The following ZNF652 variants were observed in gnomAD, a reference collection of about 807,000 sequenced individuals.
ZNF652 encodes zinc finger protein 652.
Under a neutral mutation model 45.2 loss-of-function variants are expected in ZNF652, and 16 were observed. That is an observed-to-expected ratio of 0.35 (90% CI 0.24 to 0.54). The LOEUF (loss-of-function observed/expected upper bound fraction) is 0.54, where lower values mean the gene tolerates loss of function less well. Ranked by LOEUF, ZNF652 falls within the 20% of genes least tolerant of loss-of-function variation. The probability of loss-of-function intolerance (pLI) is 0.91; values close to 1 mark genes in which losing one functional copy is unlikely to be tolerated. For synonymous variants in ZNF652, 250 were observed against 260.6 expected (o/e 0.96, Z 0.39); for missense variants, 614 against 765.6 (o/e 0.80, Z 2.34).
chr17:49,344,258 G>C (rs1397247955), intron 1 of ZNF652, among the ~76,000 whole-genome samples: 1 of 151,556 alleles, frequency 6.6e-6, no homozygotes, highest in Admixed American at 6.6e-5. Context: ...CTAGCTACTT[G>C]AGAAACTGAG....
At chr17:49,360,683 C>A (rs1296352710) in intron 1 of ZNF652, among the ~76,000 whole-genome samples, 2 of 152,126 alleles carry the variant, frequency 1.3e-5, no homozygotes, top group East Asian at 3.8e-4. Context: ...CCTAAGCACA[C>A]ACATGTTGTC....
chr17:49,316,703 G>T, intron 2 of ZNF652, 123 bp downstream of exon 2: 1 of 1,051,676 alleles, frequency 9.5e-7, no homozygotes, highest in Non-Finnish European at 1.4e-6. Context: ...CTTTTCAAAT[G>T]ATAAATTGGT....
At chr17:49,326,906 C>G (rs1044629091) in intron 1 of ZNF652, among the ~76,000 whole-genome samples, 2 of 152,110 alleles carry the variant, frequency 1.3e-5, no homozygotes, top group Admixed American at 1.3e-4. Flanking sequence ...GGTGATGCCA[C>G]CAAGCATCAC....
At chr17:49,351,924 C>T (rs938973169) in intron 1 of ZNF652, among the ~76,000 whole-genome samples, 4 of 152,086 alleles carry the variant, frequency 2.6e-5, no homozygotes, top group Non-Finnish European at 5.9e-5. Flanking sequence ...GAGTTCAAGG[C>T]TGCAGTGAGT....
At chr17:49,329,265 A>G (rs2069998091) in intron 1 of ZNF652, among the ~76,000 whole-genome samples, 1 of 152,246 alleles carries the variant, frequency 6.6e-6, no homozygotes, top group African/African-American at 2.4e-5. Context: ...AAGCTTTCAA[A>G]TGGGTAAAAC....
chr17:49,348,524 GAAAA>G (rs2070235273), intron 1 of ZNF652, among the ~76,000 whole-genome samples: 2 of 145,902 alleles, frequency 1.4e-5, no homozygotes, highest in Non-Finnish European at 1.5e-5. Context: ...GAAAAGAAAA[GAAAA>G]GAAAAGAAAA....
chr17:49,336,149 TG>T (rs1426780109), intron 1 of ZNF652, among the ~76,000 whole-genome samples: 4 of 150,612 alleles, frequency 2.7e-5, no homozygotes, highest in Admixed American at 2.6e-4. Context: ...CTCAGCCTCC[TG>T]AGTAGCTGGG....
intron 1 of ZNF652, among the ~76,000 whole-genome samples, chr17:49,325,121 C>T (rs567638738): frequency 2.0e-5 from 3 of 152,232 alleles, no homozygotes; most frequent in Admixed American, 1.3e-4. Flanking sequence ...AAGAGGCCTA[C>T]GTTTTGGCCT....
intron 2 of ZNF652, among the ~76,000 whole-genome samples, chr17:49,315,554 TAAGTTA>T (rs1439181068): frequency 8.2e-6 from 1 of 121,742 alleles, no homozygotes; most frequent in Non-Finnish European, 1.7e-5. Flanking sequence ...TAAACAGACT[TAAGTTA>T]AAAAAAAAAA....
intron 5 of ZNF652, among the ~76,000 whole-genome samples, chr17:49,306,251 TAATGG>T: frequency 6.6e-6 from 1 of 152,116 alleles, no homozygotes; most frequent in Non-Finnish European, 1.5e-5. Context: ...TCAAACACTG[TAATGG>T]AAAGATGAAC....
chr17:49,323,406 G>C (rs1228765199), intron 1 of ZNF652, among the ~76,000 whole-genome samples: 1 of 152,158 alleles, frequency 6.6e-6, no homozygotes, highest in East Asian at 1.9e-4. Context: ...TTCCTCCACT[G>C]AAGTGTTGAA....
At chr17:49,335,503 T>C (rs2070070862) in intron 1 of ZNF652, among the ~76,000 whole-genome samples, 1 of 152,098 alleles carries the variant, frequency 6.6e-6, no homozygotes, top group Non-Finnish European at 1.5e-5. Flanking sequence ...ACTCCCAACT[T>C]TTCAATATTA....
intron 1 of ZNF652, among the ~76,000 whole-genome samples, chr17:49,352,321 C>T (rs1333996982): frequency 6.6e-6 from 1 of 151,502 alleles, no homozygotes; most frequent in Non-Finnish European, 1.5e-5. Flanking sequence ...AATTTGGGAG[C>T]TGAAAGAACT....
In ZNF652 at chr17:49,298,532, G is replaced by A. The variant is rs745425858; in HGVS notation, c.1702C>T (p.Pro568Ser). ...HPHHLPIPPV[P>S]HLPPPPALFK... ...AGAGCTGGAGGTGGCGGGAGGTGAGGGACTGGAGGGATGGGAAGGTGGTGT... is the reference window on the plus strand; with the variant it reads ...AGAGCTGGAGGTGGCGGGAGGTGAGAGACTGGAGGGATGGGAAGGTGGTGT... Residue 568 changes from proline (P) to serine (S), a missense_variant, in exon 6 of 6, where the codon CCT (proline) becomes TCT (serine). Transcript: ENST00000430262. 3.1e-6 allele frequency: 5 copies of A among 1,612,376 alleles called. No individual in the cohort carries two copies. The highest frequency in any genetic ancestry group is 2.2e-5 in the South Asian group (2 of 90,952).
At chr17:49,355,727 G>T (rs533867620) in intron 1 of ZNF652, among the ~76,000 whole-genome samples, 2 of 151,744 alleles carry the variant, frequency 1.3e-5, no homozygotes, top group Admixed American at 1.3e-4. Flanking sequence ...GTGAAACCCC[G>T]TCTCTACTAA....
At chr17:49,334,793 A>G (rs1440622735) in intron 1 of ZNF652, among the ~76,000 whole-genome samples, 2 of 151,646 alleles carry the variant, frequency 1.3e-5, no homozygotes, top group African/African-American at 2.4e-5. Flanking sequence ...AAAAAAAAAA[A>G]GGGAATGTAG....
chr17:49,317,659 C>A lies in ZNF652; in HGVS notation c.67G>T (p.Ala23Ser). 1 of 1,613,122 alleles carries A rather than the reference C, an allele frequency of 6.2e-7. No individual in the cohort carries two copies. The highest frequency in any genetic ancestry group is 8.5e-7 in the Non-Finnish European group (1 of 1,179,180). The change falls in exon 2 of 6, where the codon GCA becomes TCA. Residue 23 changes from alanine (A) to serine (S), a missense_variant. Coordinates refer to ENST00000430262, the MANE Select transcript of ZNF652 (RefSeq NM_001145365.3). ...ENCAVHVAGM[A>S]QEDSRRGQVP... is the part of the protein sequence containing the mutation. Reference sequence around the variant, plus strand: ...TGACCACGACGGCTATCTTCTTGTGCCATTCCTGCTACATGCACAGCACAG... The same window carrying A: ...TGACCACGACGGCTATCTTCTTGTGACATTCCTGCTACATGCACAGCACAG...
At chr17:49,327,025 T>G (rs1486618047) in intron 1 of ZNF652, among the ~76,000 whole-genome samples, 1 of 152,160 alleles carries the variant, frequency 6.6e-6, no homozygotes, top group East Asian at 1.9e-4. Context: ...GTCTGAAAAG[T>G]TGGGGCCAAG....
chr17:49,357,221 C>T (rs2070346883), intron 1 of ZNF652, among the ~76,000 whole-genome samples: 1 of 151,882 alleles, frequency 6.6e-6, no homozygotes, highest in African/African-American at 2.4e-5. Flanking sequence ...ATTGCTTGAA[C>T]CCAGGAGAAG....
Sources: gnomAD v4.1 joint callset for allele counts (sites outside exome capture counted in the v4.1 genomes callset) on GRCh38, gnomAD v4.1.1 for gene constraint, MANE v1.5 for transcripts, NCBI Gene and HGNC (gene_info 2026-07-23, HGNC 2026-07-21) for gene names.